DNAH14: variants seen among roughly 807,000 people sequenced by gnomAD.
DNAH14 encodes dynein axonemal heavy chain 14.
In DNAH14, 478 loss-of-function variants were observed where a neutral mutation model predicts 520.9. The observed-to-expected ratio is 0.92, with a 90% CI of 0.85 to 0.99. The LOEUF is 0.99. Ranked by LOEUF, DNAH14 falls within the 50% of genes least tolerant of loss-of-function variation. The pLI, the probability that DNAH14 is intolerant of heterozygous loss-of-function variation, is 0.00. For missense variants in DNAH14, 4,831 were observed against 5,234.5 expected (o/e 0.92, Z 2.38); for synonymous variants, 1,581 against 1,757.2 (o/e 0.90, Z 2.51).
intron 76 of DNAH14, among the ~76,000 whole-genome samples, chr1:225,366,814 C>G (rs1037986062): frequency 6.6e-6 from 1 of 151,876 alleles, no homozygotes; most frequent in South Asian, 2.1e-4. Context: ...CTCTTTTCCC[C>G]GAGAAGATTT....
chr1:225,285,962 G>A (rs576258465), intron 54 of DNAH14, among the ~76,000 whole-genome samples: 1 of 152,290 alleles, frequency 6.6e-6, no homozygotes, highest in East Asian at 1.9e-4. Flanking sequence ...TGGACATTTG[G>A]CTTATTAGCT....
intron 26 of DNAH14, among the ~76,000 whole-genome samples, chr1:225,123,049 A>G (rs1229565805): frequency 6.6e-6 from 1 of 152,196 alleles, no homozygotes; most frequent in African/African-American, 2.4e-5. Flanking sequence ...TGAAACCTAT[A>G]CTGTTGGTGC....
intron 7 of DNAH14, chr1:224,969,946 ATG>A (rs2061408648): frequency 6.6e-6 from 1 of 151,880 alleles, no homozygotes; most frequent in Non-Finnish European, 1.5e-5. Flanking sequence ...TGTGTAGAGC[ATG>A]TGTGTTTGAA....
chr1:225,021,381 A>G (rs2065679606), intron 10 of DNAH14, among the ~76,000 whole-genome samples: 1 of 152,220 alleles, frequency 6.6e-6, no homozygotes. Flanking sequence ...ATGATTCTCT[A>G]TCTAGGAAAC....
intron 80 of DNAH14, 85 bp from the exon 81 acceptor site, chr1:225,381,298 T>G (rs1414450981): frequency 1.5e-6 from 2 of 1,358,576 alleles, no homozygotes; most frequent in Non-Finnish European, 2.0e-6. Context: ...CAAAATTCCC[T>G]TAACTTTCAA....
chr1:225,321,446 A>G (rs1253493669), intron 61 of DNAH14, among the ~76,000 whole-genome samples: 1 of 152,212 alleles, frequency 6.6e-6, no homozygotes, highest in Admixed American at 6.5e-5. Flanking sequence ...AAAAAATTCT[A>G]GTTGTGAAAT....
chr1:224,998,104 C>T (rs1029355800), intron 8 of DNAH14, among the ~76,000 whole-genome samples: 1 of 152,104 alleles, frequency 6.6e-6, no homozygotes, highest in African/African-American at 2.4e-5. Flanking sequence ...CCTTATGATA[C>T]CTTTGATGTC....
intron 35 of DNAH14, among the ~76,000 whole-genome samples, chr1:225,164,786 C>T (rs1296542395): frequency 1.3e-5 from 2 of 152,058 alleles, no homozygotes; most frequent in African/African-American, 4.8e-5. Flanking sequence ...TTTGGTCTTC[C>T]CCACACTTCC....
At position 224,955,093 on chromosome 1, in the gene DNAH14, CAG is replaced by C. The variant is rs770536329; in HGVS notation, c.214_215del (p.Glu72ArgfsTer4). On this transcript the variant is annotated frameshift_variant, in exon 3 of 86. Transcript: ENST00000682510. LOFTEE classifies it high-confidence loss of function. ...TCTGAATCTTTGAAGTCAGAGAAAA[CAG>C]AAGGTATTTATCAAGATTACTATTC... 22 of 1,607,886 alleles carry C rather than the reference CAG, an allele frequency of 1.4e-5. No individual in the cohort carries two copies. The highest frequency in any genetic ancestry group is 2.2e-5 in the South Asian group (2 of 89,374).
At chr1:225,238,002 T>A (rs1241619900) in intron 42 of DNAH14, among the ~76,000 whole-genome samples, 1 of 152,222 alleles carries the variant, frequency 6.6e-6, no homozygotes, top group Admixed American at 6.5e-5. Context: ...GCTATTCTGG[T>A]TATCAGCTCC....
chr1:225,293,882 G>A (rs1288779974), intron 55 of DNAH14, among the ~76,000 whole-genome samples: 1 of 152,032 alleles, frequency 6.6e-6, no homozygotes, highest in African/African-American at 2.4e-5. Context: ...CATGTCATCT[G>A]GAAATGGGCA....
intron 78 of DNAH14, 21 bp downstream of exon 78, chr1:225,374,906 C>G (rs1304191341): frequency 1.3e-6 from 2 of 1,502,530 alleles, no homozygotes; most frequent in East Asian, 2.5e-5. Flanking sequence ...AATCAATCTT[C>G]TTGCATTTCT....
intron 38 of DNAH14, among the ~76,000 whole-genome samples, chr1:225,202,175 C>A (rs2086925254): frequency 6.6e-6 from 1 of 152,118 alleles, no homozygotes; most frequent in Admixed American, 6.5e-5. Flanking sequence ...CTCACCTGGC[C>A]CAGGAGGTGG....
At chr1:225,202,452 C>T (rs956055848) in intron 38 of DNAH14, among the ~76,000 whole-genome samples, 2 of 152,100 alleles carry the variant, frequency 1.3e-5, no homozygotes, top group African/African-American at 4.8e-5. Flanking sequence ...CTGTGTCATG[C>T]AGGTTGTCAG....
chr1:225,327,998 T>C (rs1285330047), intron 64 of DNAH14, among the ~76,000 whole-genome samples: 5 of 151,042 alleles, frequency 3.3e-5, no homozygotes, highest in Non-Finnish European at 1.5e-5. Context: ...ATTTTGGGAG[T>C]TCCAAGAGAA....
At chr1:224,930,339 C>A (rs116513578) in intron 1 of DNAH14, among the ~76,000 whole-genome samples, 2 of 151,980 alleles carry the variant, frequency 1.3e-5, no homozygotes, top group Admixed American at 6.6e-5. Flanking sequence ...ATTTTACTTG[C>A]GTTTGTGGGA....
At chr1:225,206,259 A>T (rs759481395) in intron 40 of DNAH14, 80 bp downstream of exon 40, 2 of 1,257,664 alleles carry the variant, frequency 1.6e-6, no homozygotes, top group Non-Finnish European at 2.2e-6. Context: ...ACAGCATTTT[A>T]TGTTTATTTT....
chr1:225,009,945 T>G (rs1227590319), intron 10 of DNAH14, among the ~76,000 whole-genome samples: 1 of 152,254 alleles, frequency 6.6e-6, no homozygotes, highest in Non-Finnish European at 1.5e-5. Context: ...ACATTGATTT[T>G]GTATCCTGAG....
At chr1:225,274,405 A>G (rs961048839) in intron 52 of DNAH14, among the ~76,000 whole-genome samples, 1 of 151,068 alleles carries the variant, frequency 6.6e-6, no homozygotes, top group African/African-American at 2.4e-5. Context: ...ACGGGGTTTC[A>G]CCGTGGTCTC....
Sources: allele counts gnomAD v4.1 joint callset (sites outside exome capture counted in the v4.1 genomes callset), GRCh38; gene constraint gnomAD v4.1.1; transcripts MANE v1.5; gene names NCBI Gene and HGNC (gene_info 2026-07-23, HGNC 2026-07-21).